Variants in AGBL4 observed in about 807,000 individuals in gnomAD.
AGBL4 encodes the protein AGBL carboxypeptidase 4.
Under a neutral mutation model 66.4 loss-of-function variants are expected in AGBL4, and 58 were observed. The ratio of observed to expected loss-of-function variants is 0.87; its 90% CI spans 0.71 to 1.09. AGBL4 has a LOEUF of 1.09. AGBL4 is among the 50% of genes least tolerant of loss of function. The pLI is 0.00. For missense variants in AGBL4, 579 were observed against 631.0 expected, an observed-to-expected ratio of 0.92 and a Z score of 0.88; for synonymous variants, 234 against 222.9, an observed-to-expected ratio of 1.05 and a Z score of -0.44.
Position 48,737,828 on chromosome 1 carries a change from A to G in AGBL4, c.635-74587T>C, listed in dbSNP as rs142042239. ...TCACTTTGACATTGCCATTTATGTC[A>G]TGCTTCTGCTGAGTCTGTGAAGGGA... On this transcript the variant is annotated intron_variant, in intron 6 of 13. Transcript: ENST00000371839. Among the ~76,000 whole-genome samples, 830 of 152,338 alleles carry G rather than the reference A, an allele frequency of 5.4e-3. 7 individuals are homozygous for G. The highest frequency in any genetic ancestry group is 0.019 in the African/African-American group (789 of 41,586).
chr1:49,867,722 G>C (rs544006673), intron 1 of AGBL4, among the ~76,000 whole-genome samples: 3 of 152,180 alleles, frequency 2.0e-5, no homozygotes, highest in African/African-American at 7.2e-5. Flanking sequence ...CCTGAAGGAA[G>C]CACTAAATAT....
At chr1:49,877,041 G>A (rs1375571987) in intron 1 of AGBL4, among the ~76,000 whole-genome samples, 2 of 151,780 alleles carry the variant, frequency 1.3e-5, no homozygotes, top group African/African-American at 4.9e-5. Flanking sequence ...TTGATTATCA[G>A]CTTAAGGAGA....
At chr1:49,502,936 C>A (rs1464429953) in intron 3 of AGBL4, among the ~76,000 whole-genome samples, 2 of 152,076 alleles carry the variant, frequency 1.3e-5, no homozygotes, top group African/African-American at 4.8e-5. Flanking sequence ...TTCAAGCTGG[C>A]TGCAGAAATT....
intron 5 of AGBL4, among the ~76,000 whole-genome samples, chr1:48,912,132 T>G (rs1244703931): frequency 6.6e-6 from 1 of 152,152 alleles, no homozygotes; most frequent in African/African-American, 2.4e-5. Context: ...ACAATCATAA[T>G]AAAACCATGG....
chr1:49,751,223 C>T (rs1033287972), intron 2 of AGBL4, among the ~76,000 whole-genome samples: 2 of 152,154 alleles, frequency 1.3e-5, no homozygotes, highest in African/African-American at 4.8e-5. Context: ...GTGGGTTTGT[C>T]ATAAATAGCT....
intron 1 of AGBL4, among the ~76,000 whole-genome samples, chr1:49,942,495 C>A (rs2148295671): frequency 6.6e-6 from 1 of 152,000 alleles, no homozygotes. Context: ...ACATATAGAC[C>A]AACAAGACAG....
intron 4 of AGBL4, among the ~76,000 whole-genome samples, chr1:49,161,861 C>G (rs1348089685): frequency 6.6e-6 from 1 of 152,152 alleles, no homozygotes; most frequent in Admixed American, 6.5e-5. Context: ...CAGGATCATG[C>G]CTCTTGGGAA....
At chr1:49,412,009 C>G (rs554659534) in intron 3 of AGBL4, among the ~76,000 whole-genome samples, 6 of 152,042 alleles carry the variant, frequency 3.9e-5, no homozygotes, top group Non-Finnish European at 8.8e-5. Flanking sequence ...CTAGACCAAT[C>G]AATTTCTCTA....
chr1:49,872,125 G>T (rs1032473178), intron 1 of AGBL4, among the ~76,000 whole-genome samples: 2 of 151,890 alleles, frequency 1.3e-5, no homozygotes, highest in African/African-American at 4.8e-5. Context: ...TATAGTATTT[G>T]CTAATTCTTT....
chr1:49,680,648 T>A (rs1326311929), intron 3 of AGBL4, among the ~76,000 whole-genome samples: 1 of 152,120 alleles, frequency 6.6e-6, no homozygotes, highest in African/African-American at 2.4e-5. Context: ...TTTCAAAAAT[T>A]TTTTTTAATT....
intron 3 of AGBL4, among the ~76,000 whole-genome samples, chr1:49,382,250 T>C (rs897511639): frequency 6.6e-6 from 1 of 152,148 alleles, no homozygotes. Context: ...GAAAGGCTTT[T>C]GTTTATTTTT....
chr1:49,291,643 A>C (rs1044481636), intron 3 of AGBL4, among the ~76,000 whole-genome samples: 1 of 152,246 alleles, frequency 6.6e-6, no homozygotes, highest in African/African-American at 2.4e-5. Context: ...AGAGAGTATT[A>C]ATTGGAAGAA....
At chr1:48,626,207 C>T (rs901643092) in intron 9 of AGBL4, among the ~76,000 whole-genome samples, 5 of 152,192 alleles carry the variant, frequency 3.3e-5, no homozygotes, top group Admixed American at 2.0e-4. Context: ...CCTCATGGCA[C>T]CTCCAGCAGC....
At chr1:49,825,916 T>A (rs781040925) in intron 2 of AGBL4, among the ~76,000 whole-genome samples, 1 of 151,796 alleles carries the variant, frequency 6.6e-6, no homozygotes, top group African/African-American at 2.4e-5. Context: ...ACAAACATAC[T>A]AAAGAACTCA....
At chr1:49,990,954 G>C (rs1572021645) in intron 1 of AGBL4, among the ~76,000 whole-genome samples, 1 of 152,138 alleles carries the variant, frequency 6.6e-6, no homozygotes, top group African/African-American at 2.4e-5. Context: ...TCATATTAAA[G>C]ATTATATGCG....
rs148438033 is a variant in AGBL4 at position 48,642,440 on chromosome 1, C to T, written c.840-7836G>A. 1.7e-4 allele frequency among the ~76,000 whole-genome samples: 26 copies of T among 152,250 alleles called. 1 individual carries two copies. The East Asian group carries it at 4.1e-3, about 24-fold the overall frequency. On this transcript the variant is annotated intron_variant, in intron 8 of 13. Transcript: ENST00000371839. ...CTCCAGGGATTCATCCTCTCTCCTG[C>T]TTGGCAGCAACAAACACTGGGTTCA...
At chr1:48,789,296 T>G (rs112845564) in intron 6 of AGBL4, among the ~76,000 whole-genome samples, 1 of 25,428 alleles carries the variant, frequency 3.9e-5, no homozygotes, top group Non-Finnish European at 1.2e-4. Flanking sequence ...ATATATATAT[T>G]TTTTTTTTTT....
chr1:49,550,824 C>G (rs1652894191), intron 3 of AGBL4, among the ~76,000 whole-genome samples: 1 of 152,072 alleles, frequency 6.6e-6, no homozygotes. Flanking sequence ...GTTCTTCATG[C>G]TTCTTGTATT....
chr1:49,285,072 T>A lies in AGBL4; in HGVS notation c.283-39208A>T, dbSNP rs538331345. On this transcript the variant is annotated intron_variant, in intron 3 of 13. Coordinates refer to ENST00000371839, the MANE Select transcript of AGBL4 (RefSeq NM_032785.4). ...CACCCCAAATCAACAGAATATACAT[T>A]TTTTTCAGCACACCACACCTATTCC... Among the ~76,000 whole-genome samples the A allele has an allele frequency of 4.6e-3, 705 of 152,132 alleles. 6 individuals are homozygous for A. The highest frequency in any genetic ancestry group is 0.016 in the African/African-American group (683 of 41,480).
Sources: gnomAD v4.1 joint callset for allele counts (sites outside exome capture counted in the v4.1 genomes callset) on GRCh38, gnomAD v4.1.1 for gene constraint, MANE v1.5 for transcripts, NCBI Gene and HGNC (gene_info 2026-07-23, HGNC 2026-07-21) for gene names.